Variants in ANO3 observed in about 807,000 individuals in gnomAD.
The protein encoded by ANO3 is anoctamin-3.
A neutral mutation model predicts 144.8 loss-of-function variants in ANO3; 99 were observed. The observed-to-expected ratio is 0.68, with a 90% confidence interval of 0.58 to 0.81. ANO3 has a LOEUF of 0.81. Ranked by LOEUF, ANO3 falls within the 30% of genes least tolerant of loss-of-function variation. The probability of loss-of-function intolerance (pLI) is 0.00; values close to 1 mark genes in which losing one functional copy is unlikely to be tolerated. For synonymous variants in ANO3, 414 were observed against 392.6 expected, an observed-to-expected ratio of 1.05 and a Z score of -0.64; for missense variants, 905 against 1,202.2, an observed-to-expected ratio of 0.75 and a Z score of 3.66.
At chr11:26,426,324 A>G (rs1327131064) in intron 1 of ANO3, among the ~76,000 whole-genome samples, 2 of 152,192 alleles carry the variant, frequency 1.3e-5, no homozygotes, top group Non-Finnish European at 2.9e-5. Flanking sequence ...GGAGTTGGCC[A>G]AGGCATAAGG....
At chr11:26,212,954 C>G (rs1328474241) in intron 1 of ANO3, among the ~76,000 whole-genome samples, 1 of 152,066 alleles carries the variant, frequency 6.6e-6, no homozygotes, top group African/African-American at 2.4e-5. Flanking sequence ...AGCTTCATCC[C>G]TGGGATGCAA....
chr11:26,593,820 GC>G (rs1444716044), intron 14 of ANO3, among the ~76,000 whole-genome samples: 1 of 152,118 alleles, frequency 6.6e-6, no homozygotes, highest in Non-Finnish European at 1.5e-5. Context: ...TCCAAAGTCC[GC>G]TTGCCGAGGG....
intron 1 of ANO3, chr11:26,427,503 T>C (rs988450200): frequency 6.6e-6 from 1 of 152,128 alleles, no homozygotes. Flanking sequence ...TGGGAAAATA[T>C]AAGACATTTC....
At chr11:26,250,276 T>C (rs538880181) in intron 1 of ANO3, among the ~76,000 whole-genome samples, 16 of 152,344 alleles carry the variant, frequency 1.1e-4, no homozygotes, top group African/African-American at 3.6e-4. Context: ...GTTTTCCAGT[T>C]GGCTGTCTCT....
At chr11:26,630,331 G>A (rs1395939187) in intron 18 of ANO3, among the ~76,000 whole-genome samples, 4 of 152,148 alleles carry the variant, frequency 2.6e-5, no homozygotes, top group Non-Finnish European at 5.9e-5. Context: ...TTTCTCACAG[G>A]ACAATTTGGA....
chr11:26,609,144 A>G (rs1371459221), intron 17 of ANO3, among the ~76,000 whole-genome samples: 3 of 152,114 alleles, frequency 2.0e-5, no homozygotes, highest in Non-Finnish European at 4.4e-5. Flanking sequence ...GCTGGGTAGC[A>G]CGCTGACTGG....
At chr11:26,335,426 T>C (rs985698871) in intron 1 of ANO3, among the ~76,000 whole-genome samples, 1 of 152,156 alleles carries the variant, frequency 6.6e-6, no homozygotes, top group Admixed American at 6.5e-5. Context: ...CACGCAGCTT[T>C]ATTACTTTGG....
chr11:26,425,360 G>T (rs920340827), intron 1 of ANO3, among the ~76,000 whole-genome samples: 2 of 151,774 alleles, frequency 1.3e-5, no homozygotes, highest in South Asian at 4.1e-4. Flanking sequence ...ATTCCCATTT[G>T]CCTCAAAGGG....
At chr11:26,354,664 G>A (rs1855731419) in intron 1 of ANO3, among the ~76,000 whole-genome samples, 1 of 151,460 alleles carries the variant, frequency 6.6e-6, no homozygotes, top group Non-Finnish European at 1.5e-5. Flanking sequence ...CAATTTATTT[G>A]TTAAATTTAG....
intron 1 of ANO3, among the ~76,000 whole-genome samples, chr11:26,433,096 G>A (rs1216307044): frequency 3.3e-5 from 5 of 151,944 alleles, no homozygotes; most frequent in African/African-American, 7.2e-5. Context: ...GGTAATTCTC[G>A]ATGTAGAGAT....
At chr11:26,343,050 A>C (rs1855406202) in intron 1 of ANO3, among the ~76,000 whole-genome samples, 1 of 152,206 alleles carries the variant, frequency 6.6e-6, no homozygotes, top group African/African-American at 2.4e-5. Context: ...TATTAACTAC[A>C]GTCACCATGT....
At chr11:26,576,011 G>A (rs1173011896) in intron 14 of ANO3, among the ~76,000 whole-genome samples, 2 of 152,184 alleles carry the variant, frequency 1.3e-5, no homozygotes, top group East Asian at 3.8e-4. Context: ...GTCCGCACAT[G>A]TTAGCAGAAA....
chr11:26,405,332 A>G (rs940648104), intron 1 of ANO3, among the ~76,000 whole-genome samples: 2 of 151,808 alleles, frequency 1.3e-5, no homozygotes, highest in African/African-American at 4.8e-5. Context: ...TCCATTCTTC[A>G]TCTCACAAAT....
intron 17 of ANO3, among the ~76,000 whole-genome samples, chr11:26,603,119 A>C (rs1263785060): frequency 6.6e-5 from 10 of 152,194 alleles, no homozygotes; most frequent in Admixed American, 6.5e-4. Flanking sequence ...TTAGATAAAG[A>C]AATAATGCTT....
At chr11:26,503,661 A>G (rs556762472) in intron 4 of ANO3, among the ~76,000 whole-genome samples, 5 of 152,216 alleles carry the variant, frequency 3.3e-5, no homozygotes, top group Admixed American at 6.5e-5. Context: ...TTAAAAATTC[A>G]TTTAGTAAGT....
At chr11:26,382,431 G>C (rs763822820) in intron 1 of ANO3, among the ~76,000 whole-genome samples, 3 of 152,054 alleles carry the variant, frequency 2.0e-5, no homozygotes, top group Non-Finnish European at 4.4e-5. Context: ...TACCTGGCTC[G>C]TCTGCTCTTA....
chr11:26,500,115 C>T (rs1038368397), intron 4 of ANO3, among the ~76,000 whole-genome samples: 1 of 151,942 alleles, frequency 6.6e-6, no homozygotes, highest in Non-Finnish European at 1.5e-5. Context: ...CAAAGTAGAC[C>T]TATGTTGTAG....
At chr11:26,325,052 C>T (rs548209311) in intron 1 of ANO3, among the ~76,000 whole-genome samples, 15 of 152,154 alleles carry the variant, frequency 9.9e-5, no homozygotes, top group African/African-American at 2.6e-4. Context: ...TGCAAACTTT[C>T]CTGAAAGGGA....
At chr11:26,218,126 A>C (rs568153925) in intron 1 of ANO3, among the ~76,000 whole-genome samples, 27 of 152,228 alleles carry the variant, frequency 1.8e-4, no homozygotes, top group African/African-American at 6.3e-4. Flanking sequence ...CTTTTAGTGC[A>C]CAATATTTAA....
Sources: gnomAD v4.1 joint callset for allele counts (sites outside exome capture counted in the v4.1 genomes callset) on GRCh38, gnomAD v4.1.1 for gene constraint, MANE v1.5 for transcripts, NCBI Gene and HGNC (gene_info 2026-07-23, HGNC 2026-07-21) for gene names.